SOCS7: variants seen among roughly 807,000 people sequenced by gnomAD.
SOCS7 encodes suppressor of cytokine signaling 7.
In SOCS7, 18 loss-of-function variants were observed where a neutral mutation model predicts 58.9. The observed-to-expected ratio is 0.31, with a 90% CI of 0.21 to 0.45. SOCS7 has a LOEUF of 0.45. Ranked by LOEUF, SOCS7 falls within the 20% of genes least tolerant of loss-of-function variation. The pLI, the probability that SOCS7 is intolerant of heterozygous loss-of-function variation, is 1.00. For missense variants in SOCS7, 667 were observed against 837.3 expected (o/e 0.80, Z 2.51); for synonymous variants, 388 against 364.3 (o/e 1.06, Z -0.74).
At chr17:38,389,111 C>T (rs989126419) in intron 7 of SOCS7, among the ~76,000 whole-genome samples, 1 of 152,180 alleles carries the variant, frequency 6.6e-6, no homozygotes, top group African/African-American at 2.4e-5. Flanking sequence ...TATAGCCATC[C>T]TAGTGAGTAT....
chr17:38,356,635 G>A (rs2037642586), intron 1 of SOCS7, among the ~76,000 whole-genome samples: 1 of 152,084 alleles, frequency 6.6e-6, no homozygotes, highest in African/African-American at 2.4e-5. Flanking sequence ...AAAGTGCTGG[G>A]ATTACAGGCG....
In SOCS7 at chr17:38,405,166, T is replaced by C. The variant is rs993336359; in HGVS notation, c.*5684T>C. The C allele has an allele frequency of 1.4e-5, 2 of 147,574 alleles. No individual in the cohort carries two copies. The highest frequency in any genetic ancestry group is 3.0e-5 in the Non-Finnish European group (2 of 66,802). 9.1% of individuals were successfully genotyped at this position (147,574 alleles called of 1,614,324 possible). A position where few individuals can be genotyped will look rare whatever the true frequency, so the allele number is the denominator to read the frequency against. On this transcript the variant is annotated 3_prime_UTR_variant, in exon 10 of 10. Transcript: ENST00000612932. Reference sequence around the variant, plus strand: ...CTGTATAATTTATTTTCATAAACTATAAAAAAATACTAAATGGTTAAAATA... The same window carrying C: ...CTGTATAATTTATTTTCATAAACTACAAAAAAATACTAAATGGTTAAAATA...
chr17:38,380,642 A>T (rs1044028346), intron 7 of SOCS7, among the ~76,000 whole-genome samples: 4 of 149,116 alleles, frequency 2.7e-5, no homozygotes, highest in African/African-American at 7.6e-5. Flanking sequence ...AAAAAAAAAA[A>T]ATAATAATAA....
intron 7 of SOCS7, among the ~76,000 whole-genome samples, chr17:38,387,605 T>C (rs2038094712): frequency 1.0e-5 from 1 of 97,988 alleles, no homozygotes. Flanking sequence ...ATATACACAA[T>C]ATATTGTATA....
In SOCS7 at chr17:38,352,601, C is replaced by G. The variant is rs562010548; in HGVS notation, c.549C>G (p.Gly183=). The G allele has an allele frequency of 1.0e-5, 16 of 1,550,058 alleles. No individual in the cohort carries two copies. Among genetic ancestry groups the G allele is most frequent in the Non-Finnish European group, 1.4e-5 (16 of 1,146,844 alleles). ...ETSDALLVLE[G]LESEAESLET... is the part of the protein sequence containing the mutation. ...GCGACGCGCTGCTGGTCCTGGAGGGCTTGGAATCGGAGGCCGAGAGCCTGG... is the reference window on the plus strand; with the variant it reads ...GCGACGCGCTGCTGGTCCTGGAGGGGTTGGAATCGGAGGCCGAGAGCCTGG... Residue 183 remains glycine, a synonymous_variant, in exon 1 of 10, where the codon GGC becomes GGG. Transcript: ENST00000612932. This position sits in a 1 kb window ranked among gnomAD's most constrained non-coding sequence, Gnocchi z 5.5.
In SOCS7 at chr17:38,377,281, C is replaced by T. The variant is rs531145731; in HGVS notation, c.1553-433C>T. ...GGTTGAGTATCCCTAATCTGAAATC[C>T]AAAATGCTTAAAAATCTGAAACTTT... On this transcript the variant is annotated intron_variant, in intron 6 of 9. Coordinates refer to ENST00000612932, the MANE Select transcript of SOCS7 (RefSeq NM_014598.4). Among the ~76,000 whole-genome samples the T allele has an allele frequency of 2.6e-5, 4 of 152,110 alleles. No individual in the cohort carries two copies. In the East Asian group the frequency reaches 7.7e-4, roughly 29 times the overall value.
intron 7 of SOCS7, among the ~76,000 whole-genome samples, chr17:38,388,183 C>T (rs1261704716): frequency 6.6e-6 from 1 of 152,010 alleles, no homozygotes; most frequent in Non-Finnish European, 1.5e-5. Flanking sequence ...TCCCTCTCTC[C>T]CTCCCTTCCT....
chr17:38,393,039 A>G (rs888555158), intron 7 of SOCS7, among the ~76,000 whole-genome samples: 3 of 152,048 alleles, frequency 2.0e-5, no homozygotes, highest in African/African-American at 4.8e-5. Context: ...AGACAGGGTC[A>G]TACTTTGTCA....
chr17:38,393,492 C>G (rs1433069318), intron 7 of SOCS7, among the ~76,000 whole-genome samples: 9 of 152,038 alleles, frequency 5.9e-5, no homozygotes, highest in Admixed American at 5.9e-4. Flanking sequence ...CAAATATTAG[C>G]TGGGTGTGGT....
At chr17:38,397,782 A>G (rs2038263669) in intron 9 of SOCS7, among the ~76,000 whole-genome samples, 1 of 152,234 alleles carries the variant, frequency 6.6e-6, no homozygotes, top group South Asian at 2.1e-4. Context: ...ATGAACATAA[A>G]TGAATGGGCT....
intron 9 of SOCS7, among the ~76,000 whole-genome samples, chr17:38,397,879 TGGTC>T (rs1228223638): frequency 6.6e-6 from 1 of 152,132 alleles, no homozygotes; most frequent in Non-Finnish European, 1.5e-5. Flanking sequence ...CAAGTTTAGA[TGGTC>T]AGGGAGAGAC....
chr17:38,382,956 T>C (rs1375206201), intron 7 of SOCS7, among the ~76,000 whole-genome samples: 1 of 152,094 alleles, frequency 6.6e-6, no homozygotes, highest in African/African-American at 2.4e-5. Context: ...GTCCCGTGTA[T>C]TGGAGGAAGC....
chr17:38,385,527 A>G (rs900994117), intron 7 of SOCS7, among the ~76,000 whole-genome samples: 2 of 151,848 alleles, frequency 1.3e-5, no homozygotes, highest in Non-Finnish European at 2.9e-5. Context: ...CACTCAGGCA[A>G]AGGAACCAAA....
chr17:38,359,628 A>C (rs933573364), intron 1 of SOCS7, among the ~76,000 whole-genome samples: 4 of 151,942 alleles, frequency 2.6e-5, no homozygotes, highest in African/African-American at 7.3e-5. Context: ...AAAGAGTTTA[A>C]GTTCTATTTA....
At chr17:38,370,611 G>A (rs2037850548) in intron 6 of SOCS7, among the ~76,000 whole-genome samples, 1 of 151,896 alleles carries the variant, frequency 6.6e-6, no homozygotes, top group South Asian at 2.1e-4. Context: ...AAAGTGCTGG[G>A]ATTATAGATA....
intron 7 of SOCS7, among the ~76,000 whole-genome samples, chr17:38,389,862 T>TAC (rs2038128765): frequency 2.0e-5 from 2 of 98,780 alleles, no homozygotes; most frequent in African/African-American, 9.7e-5. Context: ...GGTGTGTATG[T>TAC]GTGTACATAT....
At chr17:38,364,441 A>G (rs1417072716) in intron 2 of SOCS7, among the ~76,000 whole-genome samples, 2 of 152,188 alleles carry the variant, frequency 1.3e-5, no homozygotes, top group Non-Finnish European at 2.9e-5. Flanking sequence ...GTTCTATTGG[A>G]TAAAGAAGAC....
At chr17:38,367,732 C>A (rs894841457) in intron 5 of SOCS7, 150 bp from the exon 6 acceptor site, 5 of 630,244 alleles carry the variant, frequency 7.9e-6, no homozygotes, top group Middle Eastern at 3.2e-4. Context: ...ATGTTCATTG[C>A]TAATGGTTGA....
At chr17:38,389,895 A>G (rs12940767) in intron 7 of SOCS7, among the ~76,000 whole-genome samples, 2 of 94,166 alleles carry the variant, frequency 2.1e-5, no homozygotes, top group African/African-American at 1.2e-4. Flanking sequence ...ACATATATAT[A>G]TATACACATA....
Sources: gnomAD v4.1 joint callset for allele counts (sites outside exome capture counted in the v4.1 genomes callset) on GRCh38, gnomAD v4.1.1 for gene constraint, Gnocchi (gnomAD v3.1) non-coding constraint, MANE v1.5 for transcripts, NCBI Gene and HGNC (gene_info 2026-07-23, HGNC 2026-07-21) for gene names.